The following ZBTB43 variants were observed in gnomAD, a reference collection of about 807,000 sequenced individuals.
The protein encoded by ZBTB43 is zinc finger and BTB domain-containing protein 43.
A neutral mutation model predicts 31.1 loss-of-function variants in ZBTB43; 6 were observed. The observed-to-expected ratio is 0.19, with a 90% CI of 0.11 to 0.38. The LOEUF is 0.38. Among genes scored for constraint, ZBTB43 ranks in the 10% least tolerant of loss-of-function variants. The pLI, the probability that ZBTB43 is intolerant of heterozygous loss-of-function variation, is 1.00. For synonymous variants in ZBTB43, 212 were observed against 221.7 expected, an observed-to-expected ratio of 0.96 and a Z score of 0.39; for missense variants, 379 against 602.1, an observed-to-expected ratio of 0.63 and a Z score of 3.88.
intron 2 of ZBTB43, among the ~76,000 whole-genome samples, chr9:126,818,617 G>A (rs2032445293): frequency 6.6e-6 from 1 of 152,162 alleles, no homozygotes; most frequent in African/African-American, 2.4e-5. Context: ...GAGATGATAC[G>A]TGTTTTATGT....
chr9:126,824,485 G>A (rs1818792760), intron 2 of ZBTB43, among the ~76,000 whole-genome samples: 1 of 152,164 alleles, frequency 6.6e-6, no homozygotes, highest in African/African-American at 2.4e-5. Context: ...CTTAGCTTTT[G>A]TTTCTCTGGG....
chr9:126,832,767 A>G lies in ZBTB43; in HGVS notation c.258A>G (p.Leu86=), dbSNP rs2032790302. The change falls in exon 3 of 3, where the codon CTA becomes CTG. Residue 86 remains leucine (L), a synonymous_variant. Coordinates refer to ENST00000373464, the MANE Select transcript of ZBTB43 (RefSeq NM_014007.4). ...CAAGAGTGTTTGAGAACATTCTCCT[A>G]TCTAGTTATACAGGACGTCTAGTAA... ...MNPRVFENIL[L]SSYTGRLVMP... is the part of the protein sequence containing the mutation. 6.2e-7 allele frequency: 1 copy of G among 1,614,016 alleles called. No individual in the cohort carries two copies. Among genetic ancestry groups the G allele is most frequent in the Non-Finnish European group, 8.5e-7 (1 of 1,180,034 alleles).
In ZBTB43 at chr9:126,835,731, G is replaced by T. The variant is rs1290535266; in HGVS notation, c.*1818G>T. ...TTTATTATAAATATATATATATATT[G>T]TTTTTTTTTAAACCTAGAAACTAGA... is the stretch of plus-strand genomic sequence containing the variant. On this transcript the variant is annotated 3_prime_UTR_variant, in exon 3 of 3. Transcript: ENST00000373464. The T allele has an allele frequency of 6.1e-6, 1 of 164,000 alleles. No individual in the cohort carries two copies. The highest frequency in any genetic ancestry group is 1.5e-5 in the Non-Finnish European group (1 of 67,586). 10.2% of individuals were successfully genotyped at this position (164,000 alleles called of 1,614,324 possible).
At chr9:126,829,848 T>G (rs939318589) in intron 2 of ZBTB43, among the ~76,000 whole-genome samples, 2 of 152,336 alleles carry the variant, frequency 1.3e-5, no homozygotes, top group South Asian at 4.1e-4. Flanking sequence ...ATTTACATAC[T>G]TTTAGTCTAC....
At chr9:126,829,693 A>AT (rs5900724) in intron 2 of ZBTB43, among the ~76,000 whole-genome samples, 28 of 150,334 alleles carry the variant, frequency 1.9e-4, no homozygotes, top group Non-Finnish European at 3.3e-4. Context: ...GATGGGAGAG[A>AT]TTTTTTTTTT....
At position 126,835,830 on chromosome 9, in the gene ZBTB43, T is replaced by C. The variant is rs1263111720; in HGVS notation, c.*1917T>C. 1 of 166,982 alleles carries C rather than the reference T, an allele frequency of 6.0e-6. No individual in the cohort carries two copies. 10.3% of individuals were successfully genotyped at this position (166,982 alleles called of 1,614,324 possible). On this transcript the variant is annotated 3_prime_UTR_variant, in exon 3 of 3. Transcript: ENST00000373464. ...AACGTTACTGGTTAGCAGTCTTTTC[T>C]CTGTGTACCTGACACACGTATACTG... is the stretch of plus-strand genomic sequence containing the variant.
chr9:126,813,765 T>C (rs756314764), intron 2 of ZBTB43, among the ~76,000 whole-genome samples: 2 of 152,206 alleles, frequency 1.3e-5, no homozygotes, highest in Non-Finnish European at 2.9e-5. Context: ...TAGGGTTTTT[T>C]TTGTTGTTGG....
chr9:126,835,080 A>G lies in ZBTB43; in HGVS notation c.*1167A>G, dbSNP rs376420629. ...TACTCTTTAGAGGGTACACTGAGCTAATACTACCAGTTCTTTATGAGCACT... is the reference window on the plus strand; with the variant it reads ...TACTCTTTAGAGGGTACACTGAGCTGATACTACCAGTTCTTTATGAGCACT... On this transcript the variant is annotated 3_prime_UTR_variant, in exon 3 of 3. Transcript: ENST00000373464. 24 of 167,212 alleles carry G rather than the reference A, an allele frequency of 1.4e-4. No individual in the cohort carries two copies. Among genetic ancestry groups the G allele is most frequent in the African/African-American group, 5.8e-4 (24 of 41,580 alleles). 10.4% of individuals were successfully genotyped at this position (167,212 alleles called of 1,614,324 possible). A position where few individuals can be genotyped will look rare whatever the true frequency, so the allele number is the denominator to read the frequency against.
chr9:126,809,046 T>C (rs2032187282), intron 2 of ZBTB43, 131 bp downstream of exon 2: 1 of 152,218 alleles, frequency 6.6e-6, no homozygotes, highest in Non-Finnish European at 1.5e-5. Flanking sequence ...TTTCTTCTCT[T>C]CTGAAGAGAT....
chr9:126,833,160 G>GGGCGCC lies in ZBTB43; in HGVS notation c.652_657dup (p.Gly218_Ala219dup), dbSNP rs1396962313. The GGGCGCC allele has an allele frequency of 4.3e-6, 7 of 1,613,924 alleles. No homozygotes were observed. In the South Asian group the frequency reaches 7.7e-5, roughly 18 times the overall value. ...AAATGGCAAGCCAGGATGGGGAGGA[G>GGGCGCC]GGCGCCAGCGACAGCGCCGAGTTCC... On this transcript the variant is annotated inframe_insertion, in exon 3 of 3. Coordinates refer to ENST00000373464, the MANE Select transcript of ZBTB43 (RefSeq NM_014007.4). The surrounding 1 kb of genome is among the most constrained non-coding windows in gnomAD (Gnocchi z 7.9).
intron 2 of ZBTB43, among the ~76,000 whole-genome samples, chr9:126,826,121 C>T (rs543614585): frequency 3.0e-4 from 45 of 150,662 alleles, no homozygotes; most frequent in Non-Finnish European, 5.5e-4. Flanking sequence ...TCAAGCAATT[C>T]TCTTGCCTCA....
intron 2 of ZBTB43, chr9:126,832,059 C>G (rs912556245): frequency 6.3e-6 from 1 of 158,776 alleles, no homozygotes; most frequent in Non-Finnish European, 1.4e-5. Context: ...CCCAAGAGTT[C>G]AAGGCTGCAG....
At chr9:126,804,816 A>G (rs1360139), upstream of ZBTB43, among the ~76,000 whole-genome samples, 18,371 of 152,222 alleles carry the variant, frequency 0.12, 3,483 homozygotes, top group African/African-American at 0.4. Flanking sequence ...TTTAGAACTC[A>G]GTATCTGCTC....
At position 126,812,581 on chromosome 9, in the gene ZBTB43, TTGTC is replaced by T. The variant is rs147238414; in HGVS notation, c.-24+3676_-24+3679del. ...TACACATCCTCACCGACACCTGTTA[TTGTC>T]TGTCTGTCTTTTGACAGCCATTTTA... On this transcript the variant is annotated intron_variant, in intron 2 of 2. Transcript: ENST00000373464. 1.3e-4 allele frequency among the ~76,000 whole-genome samples: 20 copies of T among 152,296 alleles called. No individual in the cohort carries two copies. In the South Asian group the frequency reaches 2.9e-3, roughly 22 times the overall value.
chr9:126,833,133 G>A lies in ZBTB43; in HGVS notation c.624G>A (p.Thr208=), dbSNP rs755946600. 9.3e-6 allele frequency: 15 copies of A among 1,614,002 alleles called. No homozygotes were observed. The highest frequency in any genetic ancestry group is 2.7e-5 in the African/African-American group (2 of 75,044). Residue 208 remains threonine (T), a synonymous_variant, in exon 3 of 3, where the codon ACG becomes ACA. Transcript: ENST00000373464. This position sits in a 1 kb window ranked among gnomAD's most constrained non-coding sequence, Gnocchi z 7.9. ...NSSTEHDRLS[T]EMASQDGEEG... is the part of the protein sequence containing the mutation. The stretch of plus-strand genomic sequence containing the variant: ...CCACAGAGCATGACCGCCTGAGCAC[G>A]GAAATGGCAAGCCAGGATGGGGAGG...
chr9:126,812,921 C>T (rs1364702591), intron 2 of ZBTB43, among the ~76,000 whole-genome samples: 1 of 151,526 alleles, frequency 6.6e-6, no homozygotes, highest in Non-Finnish European at 1.5e-5. Flanking sequence ...TATCTTCCTG[C>T]TGACCAGTTC....
chr9:126,817,487 T>A (rs985673803), intron 2 of ZBTB43, among the ~76,000 whole-genome samples: 21 of 150,656 alleles, frequency 1.4e-4, no homozygotes, highest in Non-Finnish European at 3.0e-4. Context: ...GTTTTTTTTT[T>A]TTTTTTGAGA....
Position 126,834,659 on chromosome 9 carries a change from C to G in ZBTB43, c.*746C>G, listed in dbSNP as rs1193008697. 1 of 166,878 alleles carries G rather than the reference C, an allele frequency of 6.0e-6. No individual in the cohort carries two copies. The highest frequency in any genetic ancestry group is 1.5e-5 in the Non-Finnish European group (1 of 68,112). The allele number at this position is 166,878 out of a possible 1,614,324, so 10.3% of individuals were successfully genotyped here. ...TGGACAATTTTATCTAATTGTAATT[C>G]TCTAGGGTGCCAGAGATAGGTATTT... On this transcript the variant is annotated 3_prime_UTR_variant, in exon 3 of 3. Coordinates refer to ENST00000373464, the MANE Select transcript of ZBTB43 (RefSeq NM_014007.4).
At chr9:126,820,313 T>C (rs2032481921) in intron 2 of ZBTB43, among the ~76,000 whole-genome samples, 1 of 152,216 alleles carries the variant, frequency 6.6e-6, no homozygotes, top group African/African-American at 2.4e-5. Context: ...CATTAGGGGC[T>C]AATGCAGCTG....
Sources: gnomAD v4.1 joint callset for allele counts (sites outside exome capture counted in the v4.1 genomes callset) on GRCh38, gnomAD v4.1.1 for gene constraint, Gnocchi (gnomAD v3.1) non-coding constraint, MANE v1.5 for transcripts, NCBI Gene and HGNC (gene_info 2026-07-23, HGNC 2026-07-21) for gene names.